PCDHGB1: variants seen among roughly 807,000 people sequenced by gnomAD.
The protein encoded by PCDHGB1 is protocadherin gamma-B1.
In PCDHGB1, 34 loss-of-function variants were observed where a neutral mutation model predicts 56.6. That is an observed-to-expected ratio of 0.60 (90% CI 0.46 to 0.80). The LOEUF is 0.80. Ranked by LOEUF, PCDHGB1 falls within the 30% of genes least tolerant of loss-of-function variation. PCDHGB1 has a pLI of 0.00. For synonymous variants in PCDHGB1, 561 were observed against 505.9 expected (o/e 1.11, Z -1.46); for missense variants, 1,278 against 1,204.6 (o/e 1.06, Z -0.90).
intron 1 of PCDHGB1, among the ~76,000 whole-genome samples, chr5:141,454,120 T>C (rs956675583): frequency 6.6e-5 from 10 of 152,228 alleles, no homozygotes; most frequent in African/African-American, 2.4e-4. Context: ...ATAGAAGAAA[T>C]AGCTGACCAT....
At chr5:141,381,826 C>CTTTTTTTTTTTTTTTTTTTTTT (rs770630741) in intron 1 of PCDHGB1, among the ~76,000 whole-genome samples, 11 of 74,280 alleles carry the variant, frequency 1.5e-4, no homozygotes, top group South Asian at 5.1e-4. Flanking sequence ...CTTTCTTCTT[C>CTTTTTTTTTTTTTTTTTTTTTT]TTTTTTTTTT....
chr5:141,422,211 CTT>C (rs1339862278), intron 1 of PCDHGB1: 1 of 1,563,166 alleles, frequency 6.4e-7, no homozygotes, highest in African/African-American at 1.4e-5. Context: ...GTGGAGGTCT[CTT>C]TACCACCACG....
chr5:141,400,150 C>T (rs1375670164), intron 1 of PCDHGB1: 3 of 1,613,952 alleles, frequency 1.9e-6, no homozygotes, highest in Non-Finnish European at 2.5e-6. Flanking sequence ...CACTGACCGC[C>T]CTGTACCCTC....
chr5:141,464,823 C>T (rs890811354), intron 1 of PCDHGB1, among the ~76,000 whole-genome samples: 5 of 151,986 alleles, frequency 3.3e-5, no homozygotes, highest in African/African-American at 1.2e-4. Flanking sequence ...ACTGTAGCCT[C>T]GCACTCCTGG....
At chr5:141,478,506 ATAGGCAGGTGTTGGG>A in intron 1 of PCDHGB1, 1 of 1,612,314 alleles carries the variant, frequency 6.2e-7, no homozygotes, top group Non-Finnish European at 8.5e-7. Context: ...CCGGTGTTCT[ATAGGCAGGTGTTGGG>A]TGCAGAGAGC....
At chr5:141,380,577 C>T (rs187039576) in intron 1 of PCDHGB1, among the ~76,000 whole-genome samples, 268 of 152,102 alleles carry the variant, frequency 1.8e-3, no homozygotes, top group African/African-American at 5.8e-3. Flanking sequence ...CATATCTTGG[C>T]GGTCTAGTAA....
intron 1 of PCDHGB1, chr5:141,385,234 C>T: frequency 1.2e-6 from 2 of 1,614,178 alleles, no homozygotes; most frequent in African/African-American, 1.3e-5. Context: ...TGTAGACATG[C>T]TCATCAGCCA....
In PCDHGB1 at chr5:141,384,194, T is replaced by A. The variant is rs763395046; in HGVS notation, c.2409+31525T>A. 4.3e-6 allele frequency: 7 copies of A among 1,613,674 alleles called. No homozygotes were observed. In the East Asian group the frequency reaches 1.3e-4, roughly 31 times the overall value. ...GCCACAGATGGTGGAACTCCTCCCT[T>A]GTCCAGGGAAACTCACATATTCATG... On this transcript the variant is annotated intron_variant, in intron 1 of 3. Transcript: ENST00000523390.
intron 1 of PCDHGB1, among the ~76,000 whole-genome samples, chr5:141,438,587 CATACATATAT>C (rs1422309749): frequency 6.8e-5 from 5 of 73,430 alleles, no homozygotes; most frequent in South Asian, 5.1e-4. Context: ...TACATACATA[CATACATATAT>C]ATATATATAT....
rs1424221139 is a variant in PCDHGB1, at chr5:141,491,867, T to G, written c.2410-2940T>G. On this transcript the variant is annotated intron_variant, in intron 1 of 3. Coordinates refer to ENST00000523390, the MANE Select transcript of PCDHGB1 (RefSeq NM_018922.3). The surrounding 1 kb of genome is among the most constrained non-coding windows in gnomAD (Gnocchi z 6.9). ...TTGGACCGTTTGCGCGAAACCAGAG[T>G]GGCCGATTAAGGGATGGGGCTCCGA... 2 of 1,452,218 alleles carry G rather than the reference T, an allele frequency of 1.4e-6. No homozygotes were observed. The highest frequency in any genetic ancestry group is 1.8e-6 in the Non-Finnish European group (2 of 1,099,056). 90.0% of individuals were successfully genotyped at this position (1,452,218 alleles called of 1,614,324 possible).
At position 141,352,097 on chromosome 5, in the gene PCDHGB1, T is replaced by G. The variant is rs761063437; in HGVS notation, c.1837T>G (p.Phe613Val). 2 of 1,605,974 alleles carry G rather than the reference T, an allele frequency of 1.2e-6. No homozygotes were observed. The highest frequency in any genetic ancestry group is 1.7e-5 in the Admixed American group (1 of 59,568). Residue 613 changes from phenylalanine to valine, a missense_variant, in exon 1 of 4, where the codon TTC (phenylalanine) becomes GTC (valine). Phe to Val is a conservative substitution (Grantham distance 50, BLOSUM62 -1). Coordinates refer to ENST00000523390, the MANE Select transcript of PCDHGB1 (RefSeq NM_018922.3). ...GCTGCAGGCCAGCGAGCCCGGGCTC[T>G]TCAGCCTGGGGTTGCGCACGGGTGA... ...HVLQASEPGL[F>V]SLGLRTGEVR... is the part of the protein sequence containing the mutation.
At chr5:141,376,404 A>C in intron 1 of PCDHGB1, 1 of 1,614,178 alleles carries the variant, frequency 6.2e-7, no homozygotes, top group Non-Finnish European at 8.5e-7. Flanking sequence ...CCCCAGCCCA[A>C]CTATGCCGAC....
At chr5:141,403,786 A>G (rs1317253233) in intron 1 of PCDHGB1, 1 of 1,613,848 alleles carries the variant, frequency 6.2e-7, no homozygotes, top group African/African-American at 1.3e-5. Flanking sequence ...GAAAAGTGGC[A>G]TACAAATTCT....
At position 141,352,382 on chromosome 5, in the gene PCDHGB1, G is replaced by T. The variant is rs749766771; in HGVS notation, c.2122G>T (p.Ala708Ser). 14 of 1,614,026 alleles carry T rather than the reference G, an allele frequency of 8.7e-6. No homozygotes were observed. The highest frequency in any genetic ancestry group is 1.1e-5 in the Non-Finnish European group (13 of 1,179,910). The change falls in exon 1 of 4, where the codon GCC becomes TCC. Residue 708 changes from alanine to serine, a missense_variant. Coordinates refer to ENST00000523390, the MANE Select transcript of PCDHGB1 (RefSeq NM_018922.3). The part of the protein sequence containing the change: ...LFLLAVILAI[A>S]LRLRRSSSLD... Reference sequence around the variant, plus strand: ...TCTCCTCGCGGTGATTCTAGCGATCGCCCTGCGCCTGCGACGTTCCTCCAG... The same window carrying T: ...TCTCCTCGCGGTGATTCTAGCGATCTCCCTGCGCCTGCGACGTTCCTCCAG...
In PCDHGB1 at chr5:141,476,784, C is replaced by A; in HGVS notation, c.2410-18023C>A. 1 of 1,613,520 alleles carries A rather than the reference C, an allele frequency of 6.2e-7. No homozygotes were observed. On this transcript the variant is annotated intron_variant, in intron 1 of 3. Transcript: ENST00000523390. The surrounding 1 kb of genome is among the most constrained non-coding windows in gnomAD (Gnocchi z 7.6). ...ACGGCGTTGGACGGAGGGACCCCAGCTCTCTCCGCCAGCCTGCCTATTCAC... is the reference window on the plus strand; with the variant it reads ...ACGGCGTTGGACGGAGGGACCCCAGATCTCTCCGCCAGCCTGCCTATTCAC...
intron 1 of PCDHGB1, chr5:141,388,025 G>A (rs986664863): frequency 6.9e-7 from 1 of 1,447,232 alleles, no homozygotes. Flanking sequence ...GCTCCGTAGT[G>A]GGGAACCTCG....
intron 1 of PCDHGB1, chr5:141,421,168 A>G: frequency 1.5e-6 from 2 of 1,331,612 alleles, no homozygotes; most frequent in South Asian, 1.5e-5. Context: ...TCATAGATAC[A>G]TAAGCCGATT....
chr5:141,501,290 T>TACACAC lies in PCDHGB1; in HGVS notation c.2469-4064_2469-4059dup, dbSNP rs55762287. Among the ~76,000 whole-genome samples the TACACAC allele has an allele frequency of 5.7e-3, 774 of 136,224 alleles. 5 individuals are homozygous for TACACAC. The highest frequency in any genetic ancestry group is 9.9e-3 in the African/African-American group (361 of 36,504). The allele number at this position is 136,224 out of a possible 152,430, so 89.4% of individuals were successfully genotyped here. A position where few individuals can be genotyped will look rare whatever the true frequency, so the allele number is the denominator to read the frequency against. ...GTCCAGTCTATGGGATATTCCCTTA[T>TACACAC]ACACACACACACACACACACACACA... On this transcript the variant is annotated intron_variant, in intron 2 of 3. Transcript: ENST00000523390.
chr5:141,444,467 G>A (rs1288596542), intron 1 of PCDHGB1, among the ~76,000 whole-genome samples: 3 of 151,998 alleles, frequency 2.0e-5, no homozygotes, highest in African/African-American at 4.8e-5. Flanking sequence ...CACTGCGCCC[G>A]GTCGCGTACT....
Sources: gnomAD v4.1 joint callset for allele counts (sites outside exome capture counted in the v4.1 genomes callset) on GRCh38, gnomAD v4.1.1 for gene constraint, Gnocchi (gnomAD v3.1) non-coding constraint, MANE v1.5 for transcripts, NCBI Gene and HGNC (gene_info 2026-07-23, HGNC 2026-07-21) for gene names.